CLDN10: variants seen among roughly 807,000 people sequenced by gnomAD.
The protein encoded by CLDN10 is claudin 10.
Under a neutral mutation model 22.9 loss-of-function variants are expected in CLDN10, and 15 were observed. The ratio of observed to expected loss-of-function variants is 0.65; its 90% CI spans 0.44 to 1.01. CLDN10 has a LOEUF of 1.01. CLDN10 is among the 50% of genes least tolerant of loss of function. The pLI is 0.00. For missense variants in CLDN10, 247 were observed against 287.8 expected, an observed-to-expected ratio of 0.86 and a Z score of 1.03; for synonymous variants, 114 against 111.4, an observed-to-expected ratio of 1.02 and a Z score of -0.15.
At chr13:95,525,689 G>A (rs1416696010) in intron 1 of CLDN10, among the ~76,000 whole-genome samples, 1 of 151,868 alleles carries the variant, frequency 6.6e-6, no homozygotes, top group Non-Finnish European at 1.5e-5. Context: ...ACCAGGTTTT[G>A]CCATATTGGC....
intron 1 of CLDN10, among the ~76,000 whole-genome samples, chr13:95,512,621 G>A (rs1356613111): frequency 4.6e-5 from 7 of 152,310 alleles, no homozygotes; most frequent in South Asian, 4.1e-4. Context: ...GCCCAGAGCA[G>A]TATCAGCTGC....
At chr13:95,560,651 T>G in intron 3 of CLDN10, 188 bp downstream of exon 3, 1 of 588,206 alleles carries the variant, frequency 1.7e-6, no homozygotes. Flanking sequence ...TTAATTAGTT[T>G]GCTAGTGTTG....
intron 1 of CLDN10, among the ~76,000 whole-genome samples, chr13:95,532,383 A>C (rs1399253127): frequency 1.3e-5 from 2 of 152,208 alleles, no homozygotes; most frequent in Non-Finnish European, 2.9e-5. Context: ...GGCAATAAGC[A>C]CATGAAAAAG....
At chr13:95,467,632 A>T (rs1217740502) in intron 1 of CLDN10, among the ~76,000 whole-genome samples, 1 of 152,174 alleles carries the variant, frequency 6.6e-6, no homozygotes, top group East Asian at 1.9e-4. Context: ...GGTGTGGCTT[A>T]GCCAAGTTTC....
chr13:95,513,915 G>A (rs2043133398), intron 1 of CLDN10, among the ~76,000 whole-genome samples: 1 of 152,168 alleles, frequency 6.6e-6, no homozygotes, highest in South Asian at 2.1e-4. Flanking sequence ...TGAAGAGCTG[G>A]AGCCAGCTTG....
At chr13:95,546,867 T>C (rs764628540) in intron 1 of CLDN10, among the ~76,000 whole-genome samples, 2 of 152,146 alleles carry the variant, frequency 1.3e-5, no homozygotes, top group African/African-American at 4.8e-5. Context: ...ACTTCTTCTC[T>C]TCTTTATCTT....
In CLDN10 at chr13:95,578,076, T is replaced by A; in HGVS notation, c.*62T>A. 1.1e-6 allele frequency: 1 copy of A among 916,252 alleles called. No individual in the cohort carries two copies. The highest frequency in any genetic ancestry group is 2.2e-4 in the Middle Eastern group (1 of 4,642). The allele number at this position is 916,252 out of a possible 1,614,324, so 56.8% of individuals were successfully genotyped here. ...TAAAAGCGAACTGTTCACAAAATGATCCCATCAAGGCCCTCCCATAATTAA... is the reference window on the plus strand; with the variant it reads ...TAAAAGCGAACTGTTCACAAAATGAACCCATCAAGGCCCTCCCATAATTAA... On this transcript the variant is annotated 3_prime_UTR_variant, in exon 5 of 5. Transcript: ENST00000299339.
At position 95,499,718 on chromosome 13, in the gene CLDN10, T is replaced by C. The variant is rs374329901; in HGVS notation, c.215-60414T>C. 1.2e-4 allele frequency among the ~76,000 whole-genome samples: 18 copies of C among 151,506 alleles called. No homozygotes were observed. In the East Asian group the frequency reaches 1.4e-3, roughly 11 times the overall value. On this transcript the variant is annotated intron_variant, in intron 1 of 4. Coordinates refer to the CLDN10 transcript ENST00000376873. ...CTGGGAGGGAAACTGCCTAAGGGGG[T>C]GATAAATGGAATCAGCAGCGGAGCC...
At chr13:95,447,513 C>A (rs1299019044) in intron 1 of CLDN10, among the ~76,000 whole-genome samples, 2 of 152,088 alleles carry the variant, frequency 1.3e-5, no homozygotes, top group Non-Finnish European at 2.9e-5. Flanking sequence ...CGGTCCCATA[C>A]CCTAAATCCA....
chr13:95,518,672 T>C (rs2043194211), intron 1 of CLDN10, among the ~76,000 whole-genome samples: 1 of 152,038 alleles, frequency 6.6e-6, no homozygotes. Context: ...GACACAAAAA[T>C]TGCTTGAACC....
chr13:95,490,698 T>C (rs2042863953), intron 1 of CLDN10, among the ~76,000 whole-genome samples: 1 of 152,218 alleles, frequency 6.6e-6, no homozygotes, highest in African/African-American at 2.4e-5. Flanking sequence ...ATGGTCTATC[T>C]TGGAGAAAGT....
intron 1 of CLDN10, among the ~76,000 whole-genome samples, chr13:95,502,790 G>A (rs1346228134): frequency 6.6e-6 from 1 of 152,158 alleles, no homozygotes; most frequent in Non-Finnish European, 1.5e-5. Flanking sequence ...CAAAGTGCTG[G>A]GACTACAGGC....
Position 95,445,502 on chromosome 13 carries a change from A to G in CLDN10, c.214+11455A>G, listed in dbSNP as rs144638411. Among the ~76,000 whole-genome samples the G allele has an allele frequency of 3.1e-4, 47 of 152,362 alleles. 1 individual carries two copies. The highest frequency in any genetic ancestry group is 2.0e-3 in the Admixed American group (31 of 15,298). On this transcript the variant is annotated intron_variant, in intron 1 of 4. Coordinates refer to the CLDN10 transcript ENST00000376873. ...AATACAAAGAAAGATATTTTGAGGC[A>G]GAATTGTTGAGTCTTGGTGACTTAT...
At chr13:95,532,684 T>A (rs997508913) in intron 1 of CLDN10, among the ~76,000 whole-genome samples, 2 of 149,790 alleles carry the variant, frequency 1.3e-5, no homozygotes, top group East Asian at 2.0e-4. Context: ...TGTACAAGAA[T>A]GTTCATAGCA....
At chr13:95,461,386 A>G (rs1292848551) in intron 1 of CLDN10, among the ~76,000 whole-genome samples, 1 of 152,198 alleles carries the variant, frequency 6.6e-6, no homozygotes, top group South Asian at 2.1e-4. Flanking sequence ...GAAAGAACAG[A>G]TACTTCTTGA....
At chr13:95,450,021 C>T (rs1316739907) in intron 1 of CLDN10, among the ~76,000 whole-genome samples, 2 of 152,266 alleles carry the variant, frequency 1.3e-5, no homozygotes, top group East Asian at 1.9e-4. Flanking sequence ...GGATTACAGG[C>T]GTGAGCCACC....
chr13:95,470,463 C>G (rs1339845529), intron 1 of CLDN10, among the ~76,000 whole-genome samples: 1 of 152,042 alleles, frequency 6.6e-6, no homozygotes, highest in Admixed American at 6.6e-5. Context: ...ATTAAAGTAG[C>G]TTGTTTGGGG....
chr13:95,550,658 A>C (rs1344771093), upstream of CLDN10, among the ~76,000 whole-genome samples: 1 of 152,136 alleles, frequency 6.6e-6, no homozygotes, highest in Non-Finnish European at 1.5e-5. Context: ...GGAATATGGC[A>C]TAGAAATAAT....
At chr13:95,473,567 C>A (rs1276543523) in intron 1 of CLDN10, among the ~76,000 whole-genome samples, 1 of 152,186 alleles carries the variant, frequency 6.6e-6, no homozygotes, top group East Asian at 1.9e-4. Context: ...ATCCCATTCA[C>A]ATCATATTTC....
Sources: gnomAD v4.1 joint callset for allele counts (sites outside exome capture counted in the v4.1 genomes callset) on GRCh38, gnomAD v4.1.1 for gene constraint, MANE v1.5 for transcripts, NCBI Gene and HGNC (gene_info 2026-07-23, HGNC 2026-07-21) for gene names.